Variants in OLFML2B observed in about 807,000 individuals in gnomAD.
OLFML2B encodes olfactomedin like 2B, also known as olfactomedin-like protein 2B.
OLFML2B carries 57 observed loss-of-function variants against 74.9 expected under a neutral mutation model. The ratio of observed to expected loss-of-function variants is 0.76; its 90% CI spans 0.61 to 0.95. OLFML2B has a LOEUF of 0.95. OLFML2B is among the 40% of genes least tolerant of loss of function. OLFML2B has a pLI of 0.00. For synonymous variants in OLFML2B, 388 were observed against 405.8 expected, an observed-to-expected ratio of 0.96 and a Z score of 0.53; for missense variants, 986 against 970.6, an observed-to-expected ratio of 1.02 and a Z score of -0.21.
intron 4 of OLFML2B, among the ~76,000 whole-genome samples, chr1:162,004,821 C>T (rs905409988): frequency 3.3e-5 from 5 of 152,236 alleles, no homozygotes; most frequent in Non-Finnish European, 7.3e-5. Context: ...GCTCAATCCA[C>T]ACTCAGAACG....
At chr1:161,995,877 T>G (rs1689883840) in intron 6 of OLFML2B, among the ~76,000 whole-genome samples, 1 of 152,064 alleles carries the variant, frequency 6.6e-6, no homozygotes, top group Non-Finnish European at 1.5e-5. Context: ...CCCAGGGAAG[T>G]TCACTTCCAT....
At position 162,000,388 on chromosome 1, in the gene OLFML2B, G is replaced by A. The variant is rs1230639555; in HGVS notation, c.724-50C>T. ...GAAGGTCAGGTCACTGGTCAGAGAG[G>A]CAGTGGGCAGGTGGGGGCAAGGCTG... On this transcript the variant is annotated intron_variant, in intron 4 of 7. Transcript: ENST00000294794. 4 of 1,521,118 alleles carry A rather than the reference G, an allele frequency of 2.6e-6. No individual in the cohort carries two copies. The African/African-American group carries it at 4.1e-5, about 16-fold the overall frequency. The allele number at this position is 1,521,118 out of a possible 1,614,324, so 94.2% of individuals were successfully genotyped here. A position where few individuals can be genotyped will look rare whatever the true frequency, so the allele number is the denominator to read the frequency against.
chr1:161,986,853 T>C (rs537121999), intron 6 of OLFML2B, among the ~76,000 whole-genome samples: 5 of 152,256 alleles, frequency 3.3e-5, no homozygotes, highest in Non-Finnish European at 7.3e-5. Context: ...CCCTGGCTCA[T>C]GCCCTCAAGC....
chr1:161,983,856 T>A lies in OLFML2B; in HGVS notation c.2072A>T (p.Gln691Leu). 6.2e-7 allele frequency: 1 copy of A among 1,614,166 alleles called. No individual in the cohort carries two copies. Among genetic ancestry groups the A allele is most frequent in the Non-Finnish European group, 8.5e-7 (1 of 1,180,026 alleles). The change falls in exon 8 of 8, where the codon CAG becomes CTG. Residue 691 changes from glutamine to leucine, a missense_variant. Coordinates refer to ENST00000294794, the MANE Select transcript of OLFML2B (RefSeq NM_015441.3). ...GVLYAVDSYN[Q>L]RNANISYAFD... ...AGCGTAGGAGATGTTGGCATTCCGC[T>A]GGTTGTAGCTATCCACGGCATACAG...
intron 6 of OLFML2B, among the ~76,000 whole-genome samples, chr1:161,997,304 C>T (rs1689938264): frequency 6.6e-6 from 1 of 152,180 alleles, no homozygotes; most frequent in Non-Finnish European, 1.5e-5. Context: ...TCCTCTGGTA[C>T]AGCACTTGTC....
intron 7 of OLFML2B, 49 bp downstream of exon 7, chr1:161,984,754 AG>A (rs1558051607): frequency 6.4e-7 from 1 of 1,569,458 alleles, no homozygotes; most frequent in Non-Finnish European, 8.7e-7. Flanking sequence ...ATAAAAACAG[AG>A]GACGTGGGGA....
At chr1:162,008,662 A>C (rs1690296885) in intron 3 of OLFML2B, among the ~76,000 whole-genome samples, 1 of 152,256 alleles carries the variant, frequency 6.6e-6, no homozygotes, top group African/African-American at 2.4e-5. Context: ...CATCAGCATC[A>C]CACAGGAGCT....
intron 6 of OLFML2B, among the ~76,000 whole-genome samples, chr1:161,994,295 T>C (rs1052012632): frequency 6.6e-6 from 1 of 152,242 alleles, no homozygotes; most frequent in Non-Finnish European, 1.5e-5. Flanking sequence ...CCAGCCTCCC[T>C]GACACGAGAC....
intron 6 of OLFML2B, among the ~76,000 whole-genome samples, chr1:161,997,352 G>A (rs933739580): frequency 7.2e-5 from 11 of 152,006 alleles, no homozygotes; most frequent in Admixed American, 7.2e-4. Context: ...TCCATGGGTG[G>A]GGCTCATGAT....
chr1:162,000,403 GGGCAA>G (rs1690052204), intron 4 of OLFML2B, 65 bp from the exon 5 acceptor site: 2 of 1,376,260 alleles, frequency 1.5e-6, no homozygotes, highest in East Asian at 2.4e-5. Flanking sequence ...GGGCAGGTGG[GGGCAA>G]GGCTGGAGCC....
intron 6 of OLFML2B, among the ~76,000 whole-genome samples, chr1:161,988,629 C>G (rs986637801): frequency 6.6e-6 from 1 of 151,406 alleles, no homozygotes; most frequent in African/African-American, 2.4e-5. Context: ...CTGGTCCCGC[C>G]CACCTGCCTG....
chr1:161,983,837 G>A lies in OLFML2B; in HGVS notation c.2091C>T (p.Ser697=). The part of the protein sequence containing the change: ...DSYNQRNANI[S]YAFDTHTNTQ... ...TGTTGGTGTGGGTGTCGAAAGCGTA[G>A]GAGATGTTGGCATTCCGCTGGTTGT... Residue 697 remains serine (S), a synonymous_variant, in exon 8 of 8, where the codon TCC becomes TCT. Transcript: ENST00000294794. 2 of 1,614,174 alleles carry A rather than the reference G, an allele frequency of 1.2e-6. No individual in the cohort carries two copies. The highest frequency in any genetic ancestry group is 1.7e-6 in the Non-Finnish European group (2 of 1,180,044).
chr1:162,023,215 C>T (rs772749601), intron 1 of OLFML2B, 42 bp downstream of exon 1: 3 of 1,445,318 alleles, frequency 2.1e-6, no homozygotes, highest in Admixed American at 4.7e-5. Flanking sequence ...CTCTCACCAC[C>T]ATCCAGGGCA....
At position 161,983,714 on chromosome 1, in the gene OLFML2B, A is replaced by T; in HGVS notation, c.2214T>A (p.Asn738Lys). The change falls in exon 8 of 8, where the codon AAT (asparagine) becomes AAA (lysine). Residue 738 changes from asparagine (N) to lysine (K), a missense_variant. By Grantham distance (94) the Asn-to-Lys change is moderately conservative. Transcript: ENST00000294794. ...PKDRLLYAWD[N>K]GHQVTYHVIF... is the part of the protein sequence containing the mutation. ...TGACATGGTAAGTGACCTGGTGGCCATTGTCCCAGGCATAGAGCAGGCGGT... is the reference window on the plus strand; with the variant it reads ...TGACATGGTAAGTGACCTGGTGGCCTTTGTCCCAGGCATAGAGCAGGCGGT... The T allele has an allele frequency of 6.2e-7, 1 of 1,612,664 alleles. No homozygotes were observed. The highest frequency in any genetic ancestry group is 1.3e-5 in the African/African-American group (1 of 74,928).
At chr1:161,985,295 C>T (rs923111880) in intron 6 of OLFML2B, 3 of 245,408 alleles carry the variant, frequency 1.2e-5, no homozygotes, top group African/African-American at 4.5e-5. Flanking sequence ...ATCATGCCCT[C>T]CTCTGGAGAA....
chr1:162,023,008 C>T (rs778935797), intron 1 of OLFML2B, among the ~76,000 whole-genome samples: 2 of 152,160 alleles, frequency 1.3e-5, no homozygotes, highest in Non-Finnish European at 2.9e-5. Context: ...CTCAAGAAGT[C>T]GAGCGGCATC....
At chr1:161,996,824 T>C (rs536880588) in intron 6 of OLFML2B, among the ~76,000 whole-genome samples, 3 of 152,358 alleles carry the variant, frequency 2.0e-5, no homozygotes, top group Non-Finnish European at 2.9e-5. Flanking sequence ...CTTGTTTTTT[T>C]AGACCTAACA....
chr1:162,006,577 C>CT (rs1416148969), intron 3 of OLFML2B, 104 bp from the exon 4 acceptor site: 1 of 895,446 alleles, frequency 1.1e-6, no homozygotes, highest in Non-Finnish European at 1.7e-6. Flanking sequence ...AACAGACAGG[C>CT]TGAGAAATCA....
intron 3 of OLFML2B, 87 bp downstream of exon 3, chr1:162,017,313 T>C (rs1690567468): frequency 3.2e-6 from 3 of 939,324 alleles, no homozygotes; most frequent in Middle Eastern, 2.1e-4. Context: ...AGTCAGCACA[T>C]GTGCTAGCTG....
Sources: allele counts gnomAD v4.1 joint callset (sites outside exome capture counted in the v4.1 genomes callset), GRCh38; gene constraint gnomAD v4.1.1; transcripts MANE v1.5; gene names NCBI Gene and HGNC (gene_info 2026-07-23, HGNC 2026-07-21).